The following POTEI variants were observed in gnomAD, a reference collection of about 807,000 sequenced individuals.
The protein encoded by POTEI is POTE ankyrin domain family, member I.
In POTEI, 14 loss-of-function variants were observed where a neutral mutation model predicts 43.4. The observed-to-expected ratio is 0.32, with a 90% CI of 0.21 to 0.50. The LOEUF (loss-of-function observed/expected upper bound fraction) is 0.50, where lower values mean the gene tolerates loss of function less well. Ranked by LOEUF, POTEI falls within the 20% of genes least tolerant of loss-of-function variation. The pLI, the probability that POTEI is intolerant of heterozygous loss-of-function variation, is 0.98. For missense variants in POTEI, 235 were observed against 795.4 expected (o/e 0.30, Z 8.47); for synonymous variants, 95 against 297.9 (o/e 0.32, Z 7.01).
chr2:130,507,357 C>A (rs1297530609), intron 1 of POTEI, among the ~76,000 whole-genome samples: 2 of 73,378 alleles, frequency 2.7e-5, no homozygotes, highest in Admixed American at 3.5e-4. Context: ...TATATATATA[C>A]ACACACATAT....
chr2:130,483,680 C>T (rs557029785), intron 9 of POTEI, among the ~76,000 whole-genome samples: 10 of 140,546 alleles, frequency 7.1e-5, no homozygotes, highest in Non-Finnish European at 1.1e-4. Context: ...CTGCAAGCTC[C>T]GCCTCCTGGG....
chr2:130,469,016 TCTC>T (rs1397965739), intron 13 of POTEI, among the ~76,000 whole-genome samples: 1 of 147,332 alleles, frequency 6.8e-6, no homozygotes, highest in East Asian at 2.0e-4. Context: ...GAGACTAAAA[TCTC>T]CTACTGGAGA....
rs1160502650 is a variant in POTEI, at chr2:130,461,585, T to A, written c.*1231A>T. On this transcript the variant is annotated 3_prime_UTR_variant, in exon 15 of 15. Coordinates refer to ENST00000451531, the MANE Select transcript of POTEI (RefSeq NM_001277406.2). ...CACCGAAAGAGCAAAGGTGGGGGCC[T>A]GCCCCTCTCCGGGAGCTCTGTCCCA... The A allele has an allele frequency of 6.6e-6, 1 of 152,086 alleles. No homozygotes were observed. The highest frequency in any genetic ancestry group is 1.5e-5 in the Non-Finnish European group (1 of 68,038). The allele number at this position is 152,086 out of a possible 1,614,324, so 9.4% of individuals were successfully genotyped here. A position where few individuals can be genotyped will look rare whatever the true frequency, so the allele number is the denominator to read the frequency against.
At chr2:130,468,631 G>A (rs1355741503) in intron 13 of POTEI, among the ~76,000 whole-genome samples, 7 of 151,232 alleles carry the variant, frequency 4.6e-5, no homozygotes, top group Admixed American at 2.6e-4. Context: ...TCACCTCCCA[G>A]CTGGTCTTTC....
Position 130,463,857 on chromosome 2 carries a change from A to C in POTEI, c.2187T>G (p.Ala729=). 6.7e-7 allele frequency: 1 copy of C among 1,494,712 alleles called. No individual in the cohort carries two copies. The allele number at this position is 1,494,712 out of a possible 1,614,324, so 92.6% of individuals were successfully genotyped here. ...AGFAGDDAPR[A]VFPSIVGRPR... The stretch of plus-strand genomic sequence containing the variant: ...GGCGCCCCACGATGGAAGGGAAGAC[A>C]GCCCGGGGGGCATCGTCGCCCGCAA... The change falls in exon 15 of 15, where the codon GCT becomes GCG. Residue 729 remains alanine, a synonymous_variant. Coordinates refer to ENST00000451531, the MANE Select transcript of POTEI (RefSeq NM_001277406.2).
chr2:130,464,581 T>C (rs1407448043), intron 14 of POTEI, among the ~76,000 whole-genome samples: 1 of 150,758 alleles, frequency 6.6e-6, no homozygotes, highest in Admixed American at 6.6e-5. Context: ...CCTAAGAGCC[T>C]TAGCTATGCA....
rs2105083447 is a variant in POTEI at position 130,482,081 on chromosome 2, TA to T, written c.1410-9del. ...GAAACTAATTCGCAAATTCTATGTA[TA>T]AAAATATAACAAATAAAATTACTGT... is the stretch of plus-strand genomic sequence containing the variant. On this transcript the variant is annotated splice_polypyrimidine_tract_variant and intron_variant, in intron 9 of 14. Coordinates refer to ENST00000451531, the MANE Select transcript of POTEI (RefSeq NM_001277406.2). 4.5e-6 allele frequency: 1 copy of T among 221,312 alleles called. No individual in the cohort carries two copies. Among genetic ancestry groups the T allele is most frequent in the East Asian group, 1.3e-4 (1 of 7,516 alleles). The allele number at this position is 221,312 out of a possible 1,614,324, so 13.7% of individuals were successfully genotyped here.
At chr2:130,478,675 T>C in intron 10 of POTEI, among the ~76,000 whole-genome samples, 1 of 122,952 alleles carries the variant, frequency 8.1e-6, no homozygotes, top group East Asian at 2.3e-4. Flanking sequence ...TCCTTGCTCT[T>C]TCTTTTCTGG....
intron 10 of POTEI, among the ~76,000 whole-genome samples, chr2:130,477,383 C>T (rs1269535782): frequency 2.0e-5 from 3 of 148,386 alleles, no homozygotes; most frequent in Admixed American, 2.0e-4. Context: ...ATCTCCTGAC[C>T]TCGTGATCCC....
chr2:130,473,523 A>T lies in POTEI; in HGVS notation c.1778+855T>A, dbSNP rs1343636723. On this transcript the variant is annotated intron_variant, in intron 13 of 14. Coordinates refer to ENST00000451531, the MANE Select transcript of POTEI (RefSeq NM_001277406.2). ...ATTTTAATTGTGAAATAATCAGTAT[A>T]CCCTACATCTAACCTCATTTTTTAA... Among the ~76,000 whole-genome samples the T allele has an allele frequency of 1.4e-3, 33 of 24,326 alleles. 1 individual carries two copies. The highest frequency in any genetic ancestry group is 1.5e-3 in the African/African-American group (31 of 21,036). The allele number at this position is 24,326 out of a possible 152,430, so 16.0% of individuals were successfully genotyped here.
chr2:130,483,664 G>A (rs1683478030), intron 9 of POTEI, among the ~76,000 whole-genome samples: 2 of 133,704 alleles, frequency 1.5e-5, no homozygotes, highest in East Asian at 2.2e-4. Flanking sequence ...CAACGATCTC[G>A]GCTCACTGCA....
At chr2:130,483,833 G>C (rs1396064729) in intron 9 of POTEI, among the ~76,000 whole-genome samples, 1 of 150,306 alleles carries the variant, frequency 6.7e-6, no homozygotes, top group Non-Finnish European at 1.5e-5. Flanking sequence ...CGCCTGCCTC[G>C]GCCTCCCAAA....
chr2:130,459,699 AT>A lies in POTEI; in HGVS notation c.*3116del, dbSNP rs1392141516. On this transcript the variant is annotated 3_prime_UTR_variant, in exon 15 of 15. Transcript: ENST00000451531. ...CTTACATATGTGCTTGCTTTTTAGC[AT>A]CATTGGACTGTGTACTTCAGTGTGT... 1.4e-5 allele frequency: 1 copy of A among 73,724 alleles called. No individual in the cohort carries two copies. Among genetic ancestry groups the A allele is most frequent in the Admixed American group, 1.5e-4 (1 of 6,452 alleles). 4.6% of individuals were successfully genotyped at this position (73,724 alleles called of 1,614,324 possible).
At chr2:130,492,893 A>G (rs575885035) in intron 6 of POTEI, among the ~76,000 whole-genome samples, 1 of 151,616 alleles carries the variant, frequency 6.6e-6, no homozygotes, top group East Asian at 1.9e-4. Context: ...CAATCTTTAG[A>G]TTTCTATCTA....
rs1816693 is a variant in POTEI, at chr2:130,492,921, A to G, written c.1127-2181T>C. 6.6e-4 allele frequency among the ~76,000 whole-genome samples: 100 copies of G among 151,888 alleles called. 1 individual carries two copies. The highest frequency in any genetic ancestry group is 2.7e-3 in the East Asian group (14 of 5,142). On this transcript the variant is annotated intron_variant, in intron 6 of 14. Transcript: ENST00000451531. Reference sequence around the variant, plus strand: ...TCTATCTAGTCTTCCTACCCAGTCCATAAATTCTAACTCCTGGTACTCACT... The same window carrying G: ...TCTATCTAGTCTTCCTACCCAGTCCGTAAATTCTAACTCCTGGTACTCACT...
chr2:130,507,445 T>C, intron 1 of POTEI, among the ~76,000 whole-genome samples: 1 of 107,954 alleles, frequency 9.3e-6, no homozygotes, highest in Middle Eastern at 5.1e-3. Flanking sequence ...CGTATATAAA[T>C]AGGCATTTAT....
At chr2:130,484,377 C>T (rs878992841) in intron 9 of POTEI, among the ~76,000 whole-genome samples, 38 of 112,554 alleles carry the variant, frequency 3.4e-4, no homozygotes, top group Non-Finnish European at 5.4e-4. Flanking sequence ...CTTGTATGCT[C>T]CCAATTGCAT....
intron 9 of POTEI, among the ~76,000 whole-genome samples, 173 bp from the exon 10 acceptor site, chr2:130,482,246 AAAG>A (rs1683411748): frequency 2.9e-5 from 4 of 135,974 alleles, no homozygotes. Context: ...GCTTCTAATT[AAAG>A]AAGAAAAAAA....
In POTEI at chr2:130,463,653, G is replaced by T. The variant is rs1423521952; in HGVS notation, c.2391C>A (p.Ala797=). Residue 797 remains alanine (A), a synonymous_variant, in exon 15 of 15, where the codon GCC becomes GCA. Transcript: ENST00000451531. ...TCAGCAGGATGGGGTGCTCCTCAGG[G>T]GCCACACGCAGCTCGTTGTAGAAGG... The part of the protein sequence containing the change: ...HHTFYNELRV[A]PEEHPILLTE... 3.7e-6 allele frequency: 6 copies of T among 1,607,736 alleles called. 1 individual carries two copies. The Admixed American group carries it at 5.0e-5, about 13-fold the overall frequency.
Sources: allele counts gnomAD v4.1 joint callset (sites outside exome capture counted in the v4.1 genomes callset), GRCh38; gene constraint gnomAD v4.1.1; transcripts MANE v1.5; gene names NCBI Gene and HGNC (gene_info 2026-07-23, HGNC 2026-07-21).